Variants in EYS observed in about 807,000 individuals in gnomAD.
EYS encodes protein eyes shut homolog.
In EYS, 250 loss-of-function variants were observed where a neutral mutation model predicts 282.1. The observed-to-expected ratio is 0.89, with a 90% confidence interval of 0.80 to 0.98. EYS has a LOEUF of 0.98. Ranked by LOEUF, EYS falls within the 50% of genes least tolerant of loss-of-function variation. The pLI, the probability that EYS is intolerant of heterozygous loss-of-function variation, is 0.00. For missense variants in EYS, 4,016 were observed against 3,709.0 expected (o/e 1.08, Z -2.15); for synonymous variants, 1,355 against 1,282.9 (o/e 1.06, Z -1.20).
At chr6:65,521,838 C>A (rs1767383726) in intron 2 of EYS, among the ~76,000 whole-genome samples, 1 of 152,122 alleles carries the variant, frequency 6.6e-6, no homozygotes, top group African/African-American at 2.4e-5. Flanking sequence ...ATCTCCTACT[C>A]ATCAAAATAT....
intron 31 of EYS, among the ~76,000 whole-genome samples, chr6:64,193,001 A>C (rs549157395): frequency 3.3e-5 from 5 of 152,320 alleles, no homozygotes; most frequent in Middle Eastern, 3.4e-3. Flanking sequence ...CCATGTGTCA[A>C]TGCCACATTG....
chr6:63,863,519 A>G (rs909105441), intron 36 of EYS, among the ~76,000 whole-genome samples: 1 of 152,112 alleles, frequency 6.6e-6, no homozygotes, highest in Non-Finnish European at 1.5e-5. Flanking sequence ...ACATGAAATA[A>G]TTTGATTTTA....
At chr6:64,471,211 C>A (rs1457047726) in intron 26 of EYS, among the ~76,000 whole-genome samples, 3 of 152,230 alleles carry the variant, frequency 2.0e-5, no homozygotes, top group Non-Finnish European at 4.4e-5. Context: ...GTTCCTTACT[C>A]TTATTTAACA....
chr6:65,315,477 T>TA (rs1348654668), intron 11 of EYS, among the ~76,000 whole-genome samples: 1 of 152,150 alleles, frequency 6.6e-6, no homozygotes, highest in Non-Finnish European at 1.5e-5. Flanking sequence ...ATGTAACTGT[T>TA]ACGCTCATTC....
chr6:65,662,784 T>C (rs533451065), intron 1 of EYS, among the ~76,000 whole-genome samples: 199 of 152,176 alleles, frequency 1.3e-3, no homozygotes, highest in Non-Finnish European at 2.1e-3. Flanking sequence ...TGCTAAACAG[T>C]ACTATAGAGA....
chr6:65,149,395 C>T (rs12195967), intron 12 of EYS, among the ~76,000 whole-genome samples: 26 of 152,144 alleles, frequency 1.7e-4, no homozygotes, highest in Non-Finnish European at 2.5e-4. Flanking sequence ...CTCCTAAGAA[C>T]TCATCTCCAT....
chr6:65,214,387 C>T (rs1766260292), intron 12 of EYS, among the ~76,000 whole-genome samples: 1 of 152,122 alleles, frequency 6.6e-6, no homozygotes, highest in African/African-American at 2.4e-5. Flanking sequence ...ACAGTCACAA[C>T]ATTCCCTTAT....
At chr6:65,277,814 T>C (rs928975941) in intron 12 of EYS, among the ~76,000 whole-genome samples, 1 of 152,146 alleles carries the variant, frequency 6.6e-6, no homozygotes. Context: ...ACCTAGCTAT[T>C]GTCTTCATTT....
At chr6:64,318,402 G>T (rs557380410) in intron 29 of EYS, among the ~76,000 whole-genome samples, 73 of 152,020 alleles carry the variant, frequency 4.8e-4, no homozygotes, top group African/African-American at 1.7e-3. Flanking sequence ...ATCAGTAGTA[G>T]TTACACAAAG....
chr6:63,940,484 C>G lies in EYS; in HGVS notation c.7055+43899G>C, dbSNP rs184895278. The stretch of plus-strand genomic sequence containing the variant: ...GAGAAATTTATTCATTATATGACAA[C>G]TTAAAGCAAAAGGAAGGTGATGGAT... On this transcript the variant is annotated intron_variant, in intron 35 of 42. Transcript: ENST00000503581. Among the ~76,000 whole-genome samples the G allele has an allele frequency of 1.4e-4, 22 of 152,192 alleles. 1 individual carries two copies. The East Asian group carries it at 3.7e-3, about 25-fold the overall frequency.
At chr6:64,372,959 C>A (rs898451247) in intron 29 of EYS, among the ~76,000 whole-genome samples, 1 of 152,108 alleles carries the variant, frequency 6.6e-6, no homozygotes, top group African/African-American at 2.4e-5. Context: ...TCTACCAGCT[C>A]CTATACTGTT....
intron 29 of EYS, among the ~76,000 whole-genome samples, chr6:64,363,033 C>T (rs1283399306): frequency 6.8e-6 from 1 of 147,508 alleles, no homozygotes; most frequent in Non-Finnish European, 1.5e-5. Flanking sequence ...GATCATGGCT[C>T]ACTACTGCAG....
intron 31 of EYS, among the ~76,000 whole-genome samples, chr6:64,171,846 A>G (rs1764490827): frequency 6.6e-6 from 1 of 152,186 alleles, no homozygotes. Context: ...ACTGAACCAC[A>G]TCTGACCTGC....
At chr6:65,477,908 A>C in intron 5 of EYS, among the ~76,000 whole-genome samples, 1 of 152,152 alleles carries the variant, frequency 6.6e-6, no homozygotes, top group East Asian at 1.9e-4. Context: ...CTGTGATTTC[A>C]GACTAAAAAA....
intron 19 of EYS, among the ~76,000 whole-genome samples, chr6:64,846,410 C>T (rs1765715362): frequency 6.6e-6 from 1 of 151,968 alleles, no homozygotes; most frequent in African/African-American, 2.4e-5. Context: ...AAATAAGAGG[C>T]AGCCAGATTG....
chr6:64,574,649 A>C (rs1476069629), intron 26 of EYS, among the ~76,000 whole-genome samples: 1 of 152,166 alleles, frequency 6.6e-6, no homozygotes, highest in Non-Finnish European at 1.5e-5. Flanking sequence ...CTCACAGTTA[A>C]AACAAAAATA....
chr6:64,003,876 C>G (rs1373917905), intron 33 of EYS, among the ~76,000 whole-genome samples: 2 of 152,180 alleles, frequency 1.3e-5, no homozygotes, highest in Admixed American at 6.5e-5. Flanking sequence ...CTTCACTTCT[C>G]CTTCCTGCCA....
intron 11 of EYS, chr6:65,303,285 AAAATGTCAGG>A (rs1437428491): frequency 1.3e-6 from 1 of 795,530 alleles, no homozygotes; most frequent in Non-Finnish European, 2.1e-6. Flanking sequence ...CCTGAAAAAG[AAAATGTCAGG>A]ACTGTGGTGA....
intron 31 of EYS, among the ~76,000 whole-genome samples, chr6:64,109,482 C>T (rs1773136963): frequency 6.6e-6 from 1 of 151,928 alleles, no homozygotes; most frequent in African/African-American, 2.4e-5. Flanking sequence ...ATTTTGAGAT[C>T]ACAAATGCAA....
Sources: gnomAD v4.1 joint callset for allele counts (sites outside exome capture counted in the v4.1 genomes callset) on GRCh38, gnomAD v4.1.1 for gene constraint, MANE v1.5 for transcripts, NCBI Gene and HGNC (gene_info 2026-07-23, HGNC 2026-07-21) for gene names.